Variants in CLDN14 observed in about 807,000 individuals in gnomAD.
CLDN14 encodes the protein claudin-14.
Under a neutral mutation model 2.1 loss-of-function variants are expected in CLDN14, and 2 were observed. The ratio of observed to expected loss-of-function variants is 0.96; its 90% CI spans 0.39 to 3.01. The LOEUF (loss-of-function observed/expected upper bound fraction) is 3.01, where lower values mean the gene tolerates loss of function less well. CLDN14 is among the 30% of genes most tolerant of loss of function. CLDN14 has a pLI of 0.09. For synonymous variants in CLDN14, 136 were observed against 154.4 expected (o/e 0.88, Z 0.88); for missense variants, 298 against 328.0 (o/e 0.91, Z 0.71).
intron 1 of CLDN14, among the ~76,000 whole-genome samples, chr21:36,529,034 T>A (rs1170832041): frequency 6.6e-6 from 1 of 152,230 alleles, no homozygotes; most frequent in African/African-American, 2.4e-5. Flanking sequence ...TTGGTATTCA[T>A]CCAGATGGCT....
At chr21:36,545,371 C>T (rs2087519639) in intron 1 of CLDN14, among the ~76,000 whole-genome samples, 1 of 152,146 alleles carries the variant, frequency 6.6e-6, no homozygotes, top group South Asian at 2.1e-4. Flanking sequence ...CATAATCCTT[C>T]ACAGAAATTA....
intron 1 of CLDN14, among the ~76,000 whole-genome samples, chr21:36,464,121 G>T (rs1299357135): frequency 6.6e-6 from 1 of 152,128 alleles, no homozygotes; most frequent in African/African-American, 2.4e-5. Context: ...GATAGTGAGT[G>T]AGTTCTCACG....
intron 1 of CLDN14, among the ~76,000 whole-genome samples, chr21:36,523,828 AAAGAAAGAAAGAAAGT>A (rs1229864081): frequency 7.0e-6 from 1 of 143,064 alleles, no homozygotes; most frequent in African/African-American, 2.8e-5. Context: ...AGAAAGAAAG[AAAGAAAGAAAGAAAGT>A]GGATTCGGCA....
rs186689228 is a variant in CLDN14 at position 36,469,056 on chromosome 21, G to A, written c.-81-7280C>T. Reference sequence around the variant, plus strand: ...ATTACAGGTGTGAGCCACTGTGCCCGGACTCAGCTAGTATTTCCTAAGGGC... The same window carrying A: ...ATTACAGGTGTGAGCCACTGTGCCCAGACTCAGCTAGTATTTCCTAAGGGC... On this transcript the variant is annotated intron_variant, in intron 1 of 1. Transcript: ENST00000399135. 1.3e-3 allele frequency among the ~76,000 whole-genome samples: 199 copies of A among 152,170 alleles called. 1 individual carries two copies. In the Middle Eastern group the frequency reaches 0.014, roughly 10 times the overall value.
At chr21:36,488,220 C>CCCTTCATT (rs2086917793) in intron 2 of CLDN14, among the ~76,000 whole-genome samples, 1 of 97,238 alleles carries the variant, frequency 1.0e-5, no homozygotes, top group Non-Finnish European at 2.1e-5. Flanking sequence ...ACTGTGATTC[C>CCCTTCATT]CCTTCCTTCC....
chr21:36,500,678 C>T (rs563747294), intron 2 of CLDN14, among the ~76,000 whole-genome samples: 7 of 152,308 alleles, frequency 4.6e-5, no homozygotes, highest in Non-Finnish European at 4.4e-5. Flanking sequence ...GTGATCCACC[C>T]GCCTCGGCCT....
intron 2 of CLDN14, among the ~76,000 whole-genome samples, chr21:36,506,730 A>G (rs2087137104): frequency 6.6e-6 from 1 of 152,148 alleles, no homozygotes; most frequent in Non-Finnish European, 1.5e-5. Flanking sequence ...GAGGACTTTC[A>G]TTTTTAACTT....
intron 1 of CLDN14, among the ~76,000 whole-genome samples, chr21:36,571,509 G>A (rs1349809134): frequency 6.6e-6 from 1 of 152,146 alleles, no homozygotes; most frequent in Non-Finnish European, 1.5e-5. Context: ...CCAAGCGAAC[G>A]TGCCCTTCAA....
intron 1 of CLDN14, among the ~76,000 whole-genome samples, chr21:36,558,493 A>ACT (rs35713845): frequency 0.75 from 113,249 of 151,846 alleles, 43,814 homozygotes; most frequent in Non-Finnish European, 0.87. Flanking sequence ...AGCATACAAG[A>ACT]CTTTTACTTC....
chr21:36,499,604 A>C lies in CLDN14; in HGVS notation c.-82+10759T>G, dbSNP rs2087074287. On this transcript the variant is annotated intron_variant, in intron 2 of 2. Coordinates refer to the CLDN14 transcript ENST00000342108. The surrounding 1 kb of genome is among the most constrained non-coding windows in gnomAD (Gnocchi z 4.7). ...AGACCTACCGAATCAGAATTTCAGGAGGGGAGGTTAGGAATCTGTGGTTTT... is the reference window on the plus strand; with the variant it reads ...AGACCTACCGAATCAGAATTTCAGGCGGGGAGGTTAGGAATCTGTGGTTTT... Among the ~76,000 whole-genome samples, 1 of 152,070 alleles carries C rather than the reference A, an allele frequency of 6.6e-6. No homozygotes were observed. The highest frequency in any genetic ancestry group is 2.4e-5 in the African/African-American group (1 of 41,402).
chr21:36,511,760 A>G (rs1276021818), intron 1 of CLDN14, among the ~76,000 whole-genome samples: 3 of 152,154 alleles, frequency 2.0e-5, no homozygotes, highest in Admixed American at 6.5e-5. Flanking sequence ...CACTGATGTT[A>G]TCAGCAGGTT....
chr21:36,548,447 C>T (rs186960390), intron 1 of CLDN14, among the ~76,000 whole-genome samples: 88 of 152,308 alleles, frequency 5.8e-4, no homozygotes, highest in African/African-American at 1.8e-3. Flanking sequence ...CAAACAGCCC[C>T]GCCCCAGAGG....
At position 36,485,550 on chromosome 21, in the gene CLDN14, C is replaced by T. The variant is rs1406657452; in HGVS notation, c.-81-23774G>A. ...TTAGGATCAGACGGATCACTTCTGTCACCAGCGATACCTGAGTACAGGTTA... is the reference window on the plus strand; with the variant it reads ...TTAGGATCAGACGGATCACTTCTGTTACCAGCGATACCTGAGTACAGGTTA... On this transcript the variant is annotated intron_variant, in intron 2 of 2. Coordinates refer to the CLDN14 transcript ENST00000342108. 3.3e-5 allele frequency among the ~76,000 whole-genome samples: 5 copies of T among 152,232 alleles called. No individual in the cohort carries two copies. The South Asian group carries it at 8.3e-4, about 25-fold the overall frequency.
chr21:36,523,840 A>AAAGT (rs2087299406), intron 1 of CLDN14, among the ~76,000 whole-genome samples: 3 of 145,742 alleles, frequency 2.1e-5, no homozygotes, highest in African/African-American at 7.7e-5. Flanking sequence ...AGAAAGAAAG[A>AAAGT]AAGTGGATTC....
At chr21:36,537,188 T>C (rs577687461) in intron 1 of CLDN14, among the ~76,000 whole-genome samples, 1 of 151,680 alleles carries the variant, frequency 6.6e-6, no homozygotes, top group Admixed American at 6.6e-5. Flanking sequence ...CAAAACTCCA[T>C]CTCAAACAAA....
At chr21:36,463,179 C>A (rs1461691261) in intron 1 of CLDN14, among the ~76,000 whole-genome samples, 1 of 152,200 alleles carries the variant, frequency 6.6e-6, no homozygotes, top group Non-Finnish European at 1.5e-5. Context: ...GAGGTCCCAG[C>A]CCTGGCTGCG....
chr21:36,536,151 C>T (rs1003824132), intron 1 of CLDN14, among the ~76,000 whole-genome samples: 1 of 152,340 alleles, frequency 6.6e-6, no homozygotes, highest in East Asian at 1.9e-4. Flanking sequence ...CTGGGACAGC[C>T]CCTGACTCAG....
chr21:36,460,866 A>T lies in CLDN14; in HGVS notation c.*110T>A. ...CCTCGCATTCACATTATTTCCTTGGATACAAAAATTGCCCAGAAGTAAACT... is the reference window on the plus strand; with the variant it reads ...CCTCGCATTCACATTATTTCCTTGGTTACAAAAATTGCCCAGAAGTAAACT... On this transcript the variant is annotated 3_prime_UTR_variant, in exon 2 of 2. Transcript: ENST00000399135. This position sits in a 1 kb window ranked among gnomAD's most constrained non-coding sequence, Gnocchi z 4.0. The T allele has an allele frequency of 7.8e-7, 1 of 1,275,738 alleles. No homozygotes were observed. Among genetic ancestry groups the T allele is most frequent in the Non-Finnish European group, 1.1e-6 (1 of 906,780 alleles). The allele number at this position is 1,275,738 out of a possible 1,614,324, so 79.0% of individuals were successfully genotyped here. A position where few individuals can be genotyped will look rare whatever the true frequency, so the allele number is the denominator to read the frequency against.
intron 1 of CLDN14, among the ~76,000 whole-genome samples, chr21:36,561,517 C>T (rs2087635172): frequency 6.6e-6 from 1 of 152,128 alleles, no homozygotes; most frequent in African/African-American, 2.4e-5. Context: ...CCCCGCTGCC[C>T]CTCAGCTTAG....
Sources: allele counts gnomAD v4.1 joint callset (sites outside exome capture counted in the v4.1 genomes callset), GRCh38; gene constraint gnomAD v4.1.1; non-coding constraint Gnocchi (gnomAD v3.1); transcripts MANE v1.5; gene names NCBI Gene and HGNC (gene_info 2026-07-23, HGNC 2026-07-21).